The following DLG2 variants were observed in gnomAD, a reference collection of about 807,000 sequenced individuals.
DLG2 encodes the protein disks large homolog 2.
In DLG2, 45 loss-of-function variants were observed where a neutral mutation model predicts 132.5. That is an observed-to-expected ratio of 0.34 (90% CI 0.27 to 0.44). The LOEUF (loss-of-function observed/expected upper bound fraction) is 0.44, where lower values mean the gene tolerates loss of function less well. DLG2 is among the 20% of genes least tolerant of loss of function. The pLI is 1.00. For missense variants in DLG2, 1,045 were observed against 1,196.9 expected, an observed-to-expected ratio of 0.87 and a Z score of 1.87; for synonymous variants, 424 against 419.6, an observed-to-expected ratio of 1.01 and a Z score of -0.13.
chr11:84,493,995 G>A (rs767242266), intron 7 of DLG2, among the ~76,000 whole-genome samples: 1 of 152,174 alleles, frequency 6.6e-6, no homozygotes, highest in Non-Finnish European at 1.5e-5. Flanking sequence ...TTCAGTTGAT[G>A]TAAGTGAGGT....
chr11:84,262,333 G>T (rs1410566372), intron 7 of DLG2, among the ~76,000 whole-genome samples: 1 of 152,168 alleles, frequency 6.6e-6, no homozygotes, highest in East Asian at 1.9e-4. Flanking sequence ...AGTTAGGTGG[G>T]AGGAAGTATG....
In DLG2 at chr11:83,990,374, G is replaced by A. The variant is rs192481049; in HGVS notation, c.920-9732C>T. On this transcript the variant is annotated intron_variant, in intron 11 of 27. Transcript: ENST00000376104. ...TTCTCATGTCAACATAAGAAATGCA[G>A]GCATAAGCACAGGGAAGTCTGAACC... Among the ~76,000 whole-genome samples the A allele has an allele frequency of 2.0e-5, 3 of 152,202 alleles. No individual in the cohort carries two copies. In the East Asian group the frequency reaches 5.8e-4, roughly 29 times the overall value.
intron 3 of DLG2, among the ~76,000 whole-genome samples, chr11:85,356,217 A>T (rs917816406): frequency 2.0e-5 from 3 of 152,218 alleles, no homozygotes; most frequent in African/African-American, 7.2e-5. Context: ...CAGCTGCTAT[A>T]GCTCATAGTA....
At chr11:83,550,835 T>C (rs2096372777) in intron 19 of DLG2, among the ~76,000 whole-genome samples, 1 of 152,196 alleles carries the variant, frequency 6.6e-6, no homozygotes, top group Non-Finnish European at 1.5e-5. Flanking sequence ...TTACAGTCTT[T>C]TATTTCTGAA....
intron 14 of DLG2, among the ~76,000 whole-genome samples, chr11:83,948,918 T>C (rs184131525): frequency 1.8e-4 from 28 of 152,316 alleles, no homozygotes; most frequent in African/African-American, 6.5e-4. Flanking sequence ...CTAATCTTTC[T>C]TGCTTCTGCT....
intron 6 of DLG2, among the ~76,000 whole-genome samples, chr11:84,701,268 G>A (rs888047306): frequency 2.0e-5 from 3 of 151,380 alleles, no homozygotes; most frequent in African/African-American, 7.3e-5. Context: ...ATGTCTACCT[G>A]AATTTGAATC....
intron 25 of DLG2, among the ~76,000 whole-genome samples, chr11:83,467,350 C>T (rs7108874): frequency 0.22 from 32,719 of 152,028 alleles, 3,838 homozygotes; most frequent in Non-Finnish European, 0.27. Flanking sequence ...GCCCAACATT[C>T]GGTGTGGAAG....
intron 19 of DLG2, among the ~76,000 whole-genome samples, chr11:83,598,598 G>A (rs981505167): frequency 1.3e-5 from 2 of 152,070 alleles, no homozygotes; most frequent in Admixed American, 1.3e-4. Context: ...TTATTTTGAG[G>A]CTAAATGAGG....
chr11:84,848,580 A>G (rs2081798524), intron 6 of DLG2, among the ~76,000 whole-genome samples: 1 of 152,170 alleles, frequency 6.6e-6, no homozygotes. Context: ...ATATTAGCGT[A>G]CACCTATCCC....
At chr11:83,570,173 A>G (rs1397200467) in intron 19 of DLG2, among the ~76,000 whole-genome samples, 1 of 152,172 alleles carries the variant, frequency 6.6e-6, no homozygotes, top group Non-Finnish European at 1.5e-5. Flanking sequence ...CACCTTAAAC[A>G]TGTACCCCCT....
chr11:84,659,783 G>T, intron 6 of DLG2, among the ~76,000 whole-genome samples: 1 of 152,078 alleles, frequency 6.6e-6, no homozygotes, highest in East Asian at 1.9e-4. Context: ...GGATTCCCAA[G>T]GTTACCTTCA....
intron 7 of DLG2, among the ~76,000 whole-genome samples, chr11:84,347,109 A>G (rs1488105437): frequency 6.6e-6 from 1 of 152,150 alleles, no homozygotes; most frequent in African/African-American, 2.4e-5. Context: ...CTTCTCTGGT[A>G]GATGGCTGTT....
At chr11:84,470,338 T>C (rs2099105388) in intron 7 of DLG2, among the ~76,000 whole-genome samples, 1 of 151,784 alleles carries the variant, frequency 6.6e-6, no homozygotes, top group Non-Finnish European at 1.5e-5. Flanking sequence ...TTTCATCTGC[T>C]CATTTAATTT....
intron 17 of DLG2, among the ~76,000 whole-genome samples, chr11:83,811,067 G>A (rs1175916921): frequency 1.3e-5 from 2 of 149,406 alleles, no homozygotes; most frequent in Non-Finnish European, 3.0e-5. Context: ...AAGAGTGTGG[G>A]TTTTGTCCAG....
intron 7 of DLG2, among the ~76,000 whole-genome samples, chr11:84,420,904 G>A (rs559298942): frequency 9.9e-5 from 15 of 151,888 alleles, no homozygotes; most frequent in African/African-American, 2.7e-4. Flanking sequence ...TCCTGACCTC[G>A]TGATCTGCCC....
At chr11:84,105,148 G>A (rs55970487) in intron 9 of DLG2, among the ~76,000 whole-genome samples, 5,290 of 152,142 alleles carry the variant, frequency 0.035, 293 homozygotes, top group African/African-American at 0.12. Context: ...ATAAGGAACC[G>A]CTTCATTGGA....
At chr11:85,401,828 A>G (rs1289549760) in intron 3 of DLG2, among the ~76,000 whole-genome samples, 2 of 152,210 alleles carry the variant, frequency 1.3e-5, no homozygotes, top group African/African-American at 2.4e-5. Flanking sequence ...CCACTTCTCA[A>G]TGAAATAAAA....
chr11:84,527,936 G>A (rs371225517), intron 7 of DLG2, among the ~76,000 whole-genome samples: 57 of 50,280 alleles, frequency 1.1e-3, no homozygotes, highest in East Asian at 7.7e-4. Context: ...TCTCTCTCTC[G>A]CTAATAAATA....
chr11:84,777,279 G>GTA (rs1224645769), intron 6 of DLG2, among the ~76,000 whole-genome samples: 3 of 85,134 alleles, frequency 3.5e-5, no homozygotes, highest in African/African-American at 1.4e-4. Context: ...ATATGTGTGT[G>GTA]TGTATATATA....
Sources: gnomAD v4.1 joint callset for allele counts (sites outside exome capture counted in the v4.1 genomes callset) on GRCh38, gnomAD v4.1.1 for gene constraint, MANE v1.5 for transcripts, NCBI Gene and HGNC (gene_info 2026-07-23, HGNC 2026-07-21) for gene names.